The following RAD54L2 variants were observed in gnomAD, a reference collection of about 807,000 sequenced individuals.
The protein encoded by RAD54L2 is RAD54 like 2.
A neutral mutation model predicts 138.4 loss-of-function variants in RAD54L2; 27 were observed. The observed-to-expected ratio is 0.20, with a 90% CI of 0.14 to 0.27. The LOEUF is 0.27. Ranked by LOEUF, RAD54L2 falls within the 10% of genes least tolerant of loss-of-function variation. The pLI, the probability that RAD54L2 is intolerant of heterozygous loss-of-function variation, is 1.00. For missense variants in RAD54L2, 1,396 were observed against 1,890.2 expected, an observed-to-expected ratio of 0.74 and a Z score of 4.85; for synonymous variants, 644 against 723.2, an observed-to-expected ratio of 0.89 and a Z score of 1.76.
chr3:51,662,418 G>T lies in RAD54L2; in HGVS notation c.3410-8G>T. 1 of 1,504,416 alleles carries T rather than the reference G, an allele frequency of 6.6e-7. No individual in the cohort carries two copies. The highest frequency in any genetic ancestry group is 8.9e-7 in the Non-Finnish European group (1 of 1,124,712). 93.2% of individuals were successfully genotyped at this position (1,504,416 alleles called of 1,614,324 possible). A position where few individuals can be genotyped will look rare whatever the true frequency, so the allele number is the denominator to read the frequency against. On this transcript the variant is annotated splice_region_variant and splice_polypyrimidine_tract_variant and intron_variant, in intron 22 of 22. Coordinates refer to ENST00000684192, the MANE Select transcript of RAD54L2 (RefSeq NM_015106.4). The surrounding 1 kb of genome is among the most constrained non-coding windows in gnomAD (Gnocchi z 4.6). ...TCTGATTCTCAGTTAACTACATTTT[G>T]TCCCCAGGTTCCCAGGGACCTTCTT...
chr3:51,663,456 A>G lies in RAD54L2; in HGVS notation c.*36A>G. On this transcript the variant is annotated 3_prime_UTR_variant, in exon 23 of 23. Transcript: ENST00000684192. ...CCTCCCCACCTCACTTGGGGCCCCC[A>G]GCAGGTTGCCCACCAAGCTGAAAGG... 6.3e-7 allele frequency: 1 copy of G among 1,587,898 alleles called. No homozygotes were observed. Among genetic ancestry groups the G allele is most frequent in the Non-Finnish European group, 8.6e-7 (1 of 1,164,584 alleles).
At position 51,637,291 on chromosome 3, in the gene RAD54L2, G is replaced by A. The variant is rs1701006653; in HGVS notation, c.1470G>A (p.Leu490=). The change falls in exon 11 of 23, where the codon CTG becomes CTA. Residue 490 remains leucine, a synonymous_variant. Coordinates refer to ENST00000684192, the MANE Select transcript of RAD54L2 (RefSeq NM_015106.4). This position sits in a 1 kb window ranked among gnomAD's most constrained non-coding sequence, Gnocchi z 5.9. ...TCCGCTCTCGCCGCCGGGTGGTGCT[G>A]ACTGGGTACCCTCTGCAAAACAACC... ...KNIRSRRRVV[L]TGYPLQNNLI... is the part of the protein sequence containing the mutation. 1 of 1,612,372 alleles carries A rather than the reference G, an allele frequency of 6.2e-7. No homozygotes were observed. Among genetic ancestry groups the A allele is most frequent in the South Asian group, 1.1e-5 (1 of 90,614 alleles).
In RAD54L2 at chr3:51,637,890, T is replaced by G. The variant is rs1452069082; in HGVS notation, c.1683-254T>G. ...GGCAGCCCAAATTAAAGTAAGAACC[T>G]CAAGTTCCCCTGTCTCTGTCATGCA... On this transcript the variant is annotated intron_variant, in intron 11 of 22. Coordinates refer to ENST00000684192, the MANE Select transcript of RAD54L2 (RefSeq NM_015106.4). The surrounding 1 kb of genome is among the most constrained non-coding windows in gnomAD (Gnocchi z 5.9). Among the ~76,000 whole-genome samples, 1 of 152,178 alleles carries G rather than the reference T, an allele frequency of 6.6e-6. No individual in the cohort carries two copies. The highest frequency in any genetic ancestry group is 1.5e-5 in the Non-Finnish European group (1 of 68,014).
intron 2 of RAD54L2, among the ~76,000 whole-genome samples, chr3:51,585,095 GCCA>G (rs1430687482): frequency 1.3e-5 from 2 of 151,780 alleles, no homozygotes; most frequent in African/African-American, 2.4e-5. Flanking sequence ...ATAGGAGTGA[GCCA>G]CTATGCCTGG....
intron 3 of RAD54L2, 151 bp from the exon 4 acceptor site, chr3:51,627,402 C>T: frequency 1.4e-6 from 1 of 712,980 alleles, no homozygotes; most frequent in Non-Finnish European, 2.4e-6. Context: ...TTTGTAGATA[C>T]ATCCACTGAT....
At chr3:51,615,117 G>A (rs918716232) in intron 3 of RAD54L2, among the ~76,000 whole-genome samples, 1 of 151,992 alleles carries the variant, frequency 6.6e-6, no homozygotes, top group South Asian at 2.1e-4. Flanking sequence ...GAGTTAAAGC[G>A]ATTCTCCTGT....
chr3:51,590,617 T>C, intron 3 of RAD54L2, 58 bp downstream of exon 3: 1 of 1,552,152 alleles, frequency 6.4e-7, no homozygotes. Flanking sequence ...AGTGGAATTT[T>C]TGCTGGGAGA....
At position 51,662,313 on chromosome 3, in the gene RAD54L2, C is replaced by T. The variant is rs1701799020; in HGVS notation, c.3410-113C>T. 1 of 980,150 alleles carries T rather than the reference C, an allele frequency of 1.0e-6. No individual in the cohort carries two copies. Among genetic ancestry groups the T allele is most frequent in the Non-Finnish European group, 1.4e-6 (1 of 696,592 alleles). 60.7% of individuals were successfully genotyped at this position (980,150 alleles called of 1,614,324 possible). A position where few individuals can be genotyped will look rare whatever the true frequency, so the allele number is the denominator to read the frequency against. On this transcript the variant is annotated intron_variant, in intron 22 of 22. Coordinates refer to ENST00000684192, the MANE Select transcript of RAD54L2 (RefSeq NM_015106.4). This position sits in a 1 kb window ranked among gnomAD's most constrained non-coding sequence, Gnocchi z 4.6. The stretch of plus-strand genomic sequence containing the variant: ...TGGGTGATGTTGTTCAGACATCAAA[C>T]TATTAGAATTTTGGGGACTACAGGA...
At chr3:51,611,981 G>T (rs9838942) in intron 3 of RAD54L2, among the ~76,000 whole-genome samples, 2 of 152,078 alleles carry the variant, frequency 1.3e-5, no homozygotes, top group Admixed American at 1.3e-4. Flanking sequence ...TGATGGCTAC[G>T]TATAAGATTG....
chr3:51,651,708 C>T (rs1701441383), intron 19 of RAD54L2, among the ~76,000 whole-genome samples: 1 of 152,158 alleles, frequency 6.6e-6, no homozygotes, highest in African/African-American at 2.4e-5. Context: ...TCAATAGATG[C>T]AGAAAAGGCA....
At chr3:51,589,093 A>G (rs1250924077) in intron 2 of RAD54L2, among the ~76,000 whole-genome samples, 1 of 152,172 alleles carries the variant, frequency 6.6e-6, no homozygotes, top group Non-Finnish European at 1.5e-5. Context: ...ATTATATACA[A>G]CTGTTCCTCC....
At chr3:51,658,036 A>G (rs1356697591) in intron 21 of RAD54L2, among the ~76,000 whole-genome samples, 1 of 143,402 alleles carries the variant, frequency 7.0e-6, no homozygotes, top group African/African-American at 2.6e-5. Context: ...GCAATTCTTC[A>G]GCCTCAGCCT....
At chr3:51,540,589 T>C (rs1251027331) in intron 1 of RAD54L2, among the ~76,000 whole-genome samples, 1 of 152,234 alleles carries the variant, frequency 6.6e-6, no homozygotes, top group Admixed American at 6.5e-5. Context: ...TCAGAATCAT[T>C]GTACCTTCTG....
At chr3:51,576,003 T>C (rs1236940999) in intron 2 of RAD54L2, among the ~76,000 whole-genome samples, 2 of 152,194 alleles carry the variant, frequency 1.3e-5, no homozygotes, top group East Asian at 1.9e-4. Flanking sequence ...ATAACTCTTA[T>C]TATTTTGAGA....
intron 2 of RAD54L2, among the ~76,000 whole-genome samples, chr3:51,555,132 G>T (rs1270210019): frequency 6.6e-6 from 1 of 152,106 alleles, no homozygotes; most frequent in Non-Finnish European, 1.5e-5. Flanking sequence ...GTGAGCCATT[G>T]TGGTGGCCCC....
chr3:51,635,908 C>A, intron 10 of RAD54L2, 119 bp downstream of exon 10: 1 of 1,096,296 alleles, frequency 9.1e-7, no homozygotes, highest in Non-Finnish European at 1.3e-6. Context: ...TATCATGGAC[C>A]AAAAATCCTG....
chr3:51,595,659 C>T (rs1402746028), intron 3 of RAD54L2, among the ~76,000 whole-genome samples: 4 of 152,120 alleles, frequency 2.6e-5, no homozygotes, highest in Non-Finnish European at 5.9e-5. Flanking sequence ...TTCAAACCAA[C>T]CTTCAAGTGA....
At position 51,633,931 on chromosome 3, in the gene RAD54L2, G is replaced by A; in HGVS notation, c.1038G>A (p.Glu346=). Residue 346 remains glutamate (E), a synonymous_variant, in exon 9 of 23, where the codon GAG becomes GAA. Transcript: ENST00000684192. ...ATACTCTTCAGAATTGGCTGGCAGA[G>A]TTCAACATGTGGCTTCCACCTCCTG... The part of the protein sequence containing the change: ...PVNTLQNWLA[E]FNMWLPPPEA... 6 of 1,613,962 alleles carry A rather than the reference G, an allele frequency of 3.7e-6. No individual in the cohort carries two copies. The highest frequency in any genetic ancestry group is 5.1e-6 in the Non-Finnish European group (6 of 1,179,880).
chr3:51,549,451 T>C (rs987786881), intron 2 of RAD54L2, among the ~76,000 whole-genome samples: 1 of 152,142 alleles, frequency 6.6e-6, no homozygotes, highest in African/African-American at 2.4e-5. Flanking sequence ...TTTCTCCTAA[T>C]GTATATTGTA....
Sources: gnomAD v4.1 joint callset for allele counts (sites outside exome capture counted in the v4.1 genomes callset) on GRCh38, gnomAD v4.1.1 for gene constraint, Gnocchi (gnomAD v3.1) non-coding constraint, MANE v1.5 for transcripts, NCBI Gene and HGNC (gene_info 2026-07-23, HGNC 2026-07-21) for gene names.